Variants in SH3PXD2B observed in about 807,000 individuals in gnomAD.
SH3PXD2B encodes SH3 and PX domains 2B, also known as SH3 and PX domain-containing protein 2B.
Under a neutral mutation model 73.1 loss-of-function variants are expected in SH3PXD2B, and 37 were observed. The observed-to-expected ratio is 0.51, with a 90% CI of 0.39 to 0.67. The LOEUF is 0.67. SH3PXD2B is among the 30% of genes least tolerant of loss of function. The pLI is 0.00. For missense variants in SH3PXD2B, 1,053 were observed against 1,197.8 expected (o/e 0.88, Z 1.78); for synonymous variants, 457 against 480.5 (o/e 0.95, Z 0.64).
chr5:172,379,251 T>C (rs766160492), intron 5 of SH3PXD2B, among the ~76,000 whole-genome samples: 19 of 149,728 alleles, frequency 1.3e-4, no homozygotes, highest in Non-Finnish European at 2.5e-4. Context: ...AGAGGATCGC[T>C]TGAGCCCAGG....
At chr5:172,354,357 C>T (rs901472238) in intron 8 of SH3PXD2B, among the ~76,000 whole-genome samples, 2 of 152,206 alleles carry the variant, frequency 1.3e-5, no homozygotes, top group Non-Finnish European at 2.9e-5. Context: ...TAGGAATTAC[C>T]TTGTAACACG....
intron 4 of SH3PXD2B, among the ~76,000 whole-genome samples, chr5:172,382,895 A>ATTT (rs5873322): frequency 7.0e-6 from 1 of 143,300 alleles, no homozygotes; most frequent in Non-Finnish European, 1.5e-5. Flanking sequence ...TGCCTGGCTA[A>ATTT]TTTTTTTTTT....
In SH3PXD2B at chr5:172,338,287, G is replaced by C. The variant is rs534500640; in HGVS notation, c.*82C>G. On this transcript the variant is annotated 3_prime_UTR_variant, in exon 13 of 13. Transcript: ENST00000311601. The surrounding 1 kb of genome is among the most constrained non-coding windows in gnomAD (Gnocchi z 5.1). ...CTGTCTGCCTTGGAAGCTGCGTGGA[G>C]AATGATAAATTAAGAGGCGTATTAA... is the stretch of plus-strand genomic sequence containing the variant. 3 of 1,609,934 alleles carry C rather than the reference G, an allele frequency of 1.9e-6. No homozygotes were observed. The highest frequency in any genetic ancestry group is 2.5e-6 in the Non-Finnish European group (3 of 1,179,480).
rs759973468 is a variant in SH3PXD2B at position 172,338,707 on chromosome 5, CGAG to C, written c.2395_2397del (p.Leu799del). 1,119 of 1,614,030 alleles carry C rather than the reference CGAG, an allele frequency of 6.9e-4. No individual in the cohort carries two copies. The highest frequency in any genetic ancestry group is 9.2e-4 in the Non-Finnish European group (1,090 of 1,180,032). On this transcript the variant is annotated inframe_deletion, in exon 13 of 13. Coordinates refer to ENST00000311601, the MANE Select transcript of SH3PXD2B (RefSeq NM_001017995.3). This position sits in a 1 kb window ranked among gnomAD's most constrained non-coding sequence, Gnocchi z 5.1. ...AGAAAAGGTTTGGCTTTTGGAGGGA[CGAG>C]GAGAGCACGGCCTGGGGTGGGAGCT...
rs375700951 is a variant in SH3PXD2B at position 172,338,716 on chromosome 5, C to T, written c.2389G>A (p.Ala797Thr). Residue 797 changes from alanine to threonine, a missense_variant, in exon 13 of 13, where the codon GCT becomes ACT. Ala to Thr is a moderately conservative substitution (Grantham distance 58). This residue lies in a region of SH3PXD2B where 587 missense variants were observed against 590.7 expected (regional missense o/e 0.99). Transcript: ENST00000311601. The surrounding 1 kb of genome is among the most constrained non-coding windows in gnomAD (Gnocchi z 5.1). ...TTGGCTTTTGGAGGGACGAGGAGAG[C>T]ACGGCCTGGGGTGGGAGCTGCCCTG... ...ESRAAPTPGR[A>T]LLVPPKAKPF... The T allele has an allele frequency of 1.9e-6, 3 of 1,614,094 alleles. No homozygotes were observed. In the African/African-American group the frequency reaches 4.0e-5, roughly 22 times the overall value.
chr5:172,342,716 G>A (rs529057284), intron 12 of SH3PXD2B, among the ~76,000 whole-genome samples: 9 of 152,248 alleles, frequency 5.9e-5, no homozygotes, highest in East Asian at 1.9e-4. Flanking sequence ...AGCCGAGATC[G>A]TGCCATTGCA....
rs3057119 is a variant in SH3PXD2B, at chr5:172,435,424, A to ATTTG, written c.76-12932_76-12929dup. Among the ~76,000 whole-genome samples, 764 of 151,624 alleles carry ATTTG rather than the reference A, an allele frequency of 5.0e-3. 38 individuals carry two copies. In the East Asian group the frequency reaches 0.1, roughly 20 times the overall value. On this transcript the variant is annotated intron_variant, in intron 1 of 12. Coordinates refer to ENST00000311601, the MANE Select transcript of SH3PXD2B (RefSeq NM_001017995.3). ...TGCCATTCTCACTGTATCTGGAGGT[A>ATTTG]TTTGTTTGTTTGTTTGTTTGAGACA...
rs1246166974 is a variant in SH3PXD2B at position 172,362,845 on chromosome 5, G to C, written c.452C>G (p.Pro151Arg). The change falls in exon 7 of 13, where the codon CCC becomes CGC. Residue 151 changes from proline (P) to arginine (R), a missense_variant. Around this residue, in one of 2 missense-constraint regions of SH3PXD2B, gnomAD observed 466 missense variants for 607.1 expected, o/e 0.77. Coordinates refer to ENST00000311601, the MANE Select transcript of SH3PXD2B (RefSeq NM_001017995.3). The part of the protein sequence containing the change: ...KSGGDQTSVD[P>R]MVLEQYVVVA... ...CACCACATACTGCTCCAGGACCATG[G>C]GGTCCACTGAGGTTTGGTCACCCCC... is the stretch of plus-strand genomic sequence containing the variant. 6 of 1,613,994 alleles carry C rather than the reference G, an allele frequency of 3.7e-6. No homozygotes were observed. In the Admixed American group the frequency reaches 1.0e-4, roughly 27 times the overall value.
At chr5:172,343,809 A>G (rs1381734100) in intron 12 of SH3PXD2B, among the ~76,000 whole-genome samples, 3 of 142,810 alleles carry the variant, frequency 2.1e-5, no homozygotes, top group Admixed American at 6.9e-5. Context: ...CGTCTCAAAG[A>G]AAAAAAAAAA....
intron 8 of SH3PXD2B, among the ~76,000 whole-genome samples, chr5:172,358,222 C>T (rs1203666757): frequency 2.0e-5 from 3 of 152,058 alleles, no homozygotes; most frequent in Admixed American, 6.6e-5. Context: ...ATGTTTCTAG[C>T]GGGGAAAGGG....
chr5:172,361,218 C>A (rs1009912394), intron 7 of SH3PXD2B, among the ~76,000 whole-genome samples: 1 of 152,064 alleles, frequency 6.6e-6, no homozygotes, highest in Admixed American at 6.5e-5. Context: ...CACATACACA[C>A]ATGTGTATAT....
intron 10 of SH3PXD2B, 95 bp downstream of exon 10, chr5:172,350,268 C>T (rs1339377325): frequency 4.0e-6 from 5 of 1,240,428 alleles, no homozygotes; most frequent in East Asian, 2.3e-5. Flanking sequence ...AGCAGCTGGG[C>T]TGCTGTGAGG....
At chr5:172,382,755 A>C (rs1757977926) in intron 4 of SH3PXD2B, among the ~76,000 whole-genome samples, 1 of 152,022 alleles carries the variant, frequency 6.6e-6, no homozygotes, top group Non-Finnish European at 1.5e-5. Flanking sequence ...TTGAGACAGG[A>C]TCTTGCTCTG....
At chr5:172,331,238 C>T (rs536827134), downstream of SH3PXD2B, among the ~76,000 whole-genome samples, 1 of 151,988 alleles carries the variant, frequency 6.6e-6, no homozygotes, top group Non-Finnish European at 1.5e-5. Context: ...AATAATAGCA[C>T]AGAATATAAT....
At chr5:172,400,215 C>A (rs1758395410) in intron 3 of SH3PXD2B, among the ~76,000 whole-genome samples, 1 of 152,098 alleles carries the variant, frequency 6.6e-6, no homozygotes, top group Non-Finnish European at 1.5e-5. Context: ...CTGAGGAAAA[C>A]CATGCCCTAA....
chr5:172,371,899 T>C (rs911866768), intron 6 of SH3PXD2B, among the ~76,000 whole-genome samples: 3 of 152,290 alleles, frequency 2.0e-5, no homozygotes, highest in Non-Finnish European at 2.9e-5. Flanking sequence ...GAGAAACATA[T>C]AATTATCCCC....
In SH3PXD2B at chr5:172,406,321, C is replaced by T; in HGVS notation, c.188G>A (p.Gly63Glu). ...CCGCTGCTTGGGGTCCTTCTGTCCT[C>T]CTTCCATGGGAAATTTGTCCAACAT... is the stretch of plus-strand genomic sequence containing the variant. ...MQMLDKFPME[G>E]GQKDPKQRII... is the part of the protein sequence containing the mutation. The change falls in exon 3 of 13, where the codon GGA becomes GAA. Residue 63 changes from glycine to glutamate, a missense_variant. This residue lies in a region of SH3PXD2B where 466 missense variants were observed against 607.1 expected (regional missense o/e 0.77). Coordinates refer to ENST00000311601, the MANE Select transcript of SH3PXD2B (RefSeq NM_001017995.3). 1.2e-6 allele frequency: 2 copies of T among 1,614,130 alleles called. No homozygotes were observed. The highest frequency in any genetic ancestry group is 1.7e-6 in the Non-Finnish European group (2 of 1,180,006).
rs146081598 is a variant in SH3PXD2B, at chr5:172,339,772, T to C, written c.1333A>G (p.Thr445Ala). The C allele has an allele frequency of 6.3e-4, 1,024 of 1,613,158 alleles. 8 individuals are homozygous for C. The African/African-American group carries it at 0.012, about 19-fold the overall frequency. ...NFLAPLPHEV[T>A]QLRLGEAAAL... ...GCTGCTTCCCCCAGCCGGAGCTGGG[T>C]CACCTCGTGGGGCAGGGGAGCCAGA... Residue 445 changes from threonine (T) to alanine (A), a missense_variant, in exon 13 of 13, where the codon ACC (threonine) becomes GCC (alanine). Thr to Ala is a moderately conservative substitution (Grantham distance 58). This residue lies in a region of SH3PXD2B where 466 missense variants were observed against 607.1 expected (regional missense o/e 0.77). Coordinates refer to ENST00000311601, the MANE Select transcript of SH3PXD2B (RefSeq NM_001017995.3). The surrounding 1 kb of genome is among the most constrained non-coding windows in gnomAD (Gnocchi z 6.1).
At chr5:172,351,205 C>T (rs1561898555) in intron 9 of SH3PXD2B, among the ~76,000 whole-genome samples, 1 of 152,206 alleles carries the variant, frequency 6.6e-6, no homozygotes, top group Non-Finnish European at 1.5e-5. Context: ...TCATAGCTCA[C>T]TGCAGCCTTG....
Sources: gnomAD v4.1 joint callset for allele counts (sites outside exome capture counted in the v4.1 genomes callset) on GRCh38, gnomAD v4.1.1 for gene constraint, gnomAD v4.1.1 regional missense constraint, Gnocchi (gnomAD v3.1) non-coding constraint, MANE v1.5 for transcripts, NCBI Gene and HGNC (gene_info 2026-07-23, HGNC 2026-07-21) for gene names.